LRP1B: variants seen among roughly 807,000 people sequenced by gnomAD.
LRP1B encodes LDL receptor related protein 1B.
In LRP1B, 217 loss-of-function variants were observed where a neutral mutation model predicts 556.6. The ratio of observed to expected loss-of-function variants is 0.39; its 90% CI spans 0.35 to 0.44. LRP1B has a LOEUF of 0.44. Ranked by LOEUF, LRP1B falls within the 20% of genes least tolerant of loss-of-function variation. LRP1B has a pLI of 1.00. For synonymous variants in LRP1B, 2,047 were observed against 1,865.8 expected (o/e 1.10, Z -2.50); for missense variants, 5,053 against 5,620.8 (o/e 0.90, Z 3.23).
chr2:140,997,565 C>T (rs1204700384), intron 15 of LRP1B, among the ~76,000 whole-genome samples: 1 of 151,724 alleles, frequency 6.6e-6, no homozygotes. Flanking sequence ...TAATTTTTCC[C>T]TCAATTGATG....
At chr2:141,843,758 A>G (rs936668353) in intron 1 of LRP1B, among the ~76,000 whole-genome samples, 1 of 152,166 alleles carries the variant, frequency 6.6e-6, no homozygotes, top group African/African-American at 2.4e-5. Flanking sequence ...ATTGTGCTAC[A>G]AATTATTGCA....
chr2:141,590,922 C>T (rs1687311523), intron 2 of LRP1B, among the ~76,000 whole-genome samples: 1 of 152,172 alleles, frequency 6.6e-6, no homozygotes, highest in African/African-American at 2.4e-5. Context: ...CCCTTCACAG[C>T]CTGTCCTGAC....
intron 3 of LRP1B, among the ~76,000 whole-genome samples, chr2:141,317,166 C>T (rs1242727355): frequency 1.3e-5 from 2 of 152,164 alleles, no homozygotes; most frequent in South Asian, 4.1e-4. Context: ...ATTTCATAAG[C>T]TCTAGACCTA....
At chr2:140,346,433 ATATTAT>A (rs913406908) in intron 77 of LRP1B, among the ~76,000 whole-genome samples, 4 of 151,892 alleles carry the variant, frequency 2.6e-5, no homozygotes, top group South Asian at 2.1e-4. Context: ...ACCTGAGTCA[ATATTAT>A]TATTGAGTAC....
At chr2:141,275,107 T>A (rs1327554788) in intron 3 of LRP1B, among the ~76,000 whole-genome samples, 1 of 152,106 alleles carries the variant, frequency 6.6e-6, no homozygotes, top group African/African-American at 2.4e-5. Context: ...TAAAAGGAAA[T>A]CCTGATAACA....
chr2:140,991,954 T>A (rs1697104464), intron 16 of LRP1B, among the ~76,000 whole-genome samples: 1 of 152,076 alleles, frequency 6.6e-6, no homozygotes, highest in Non-Finnish European at 1.5e-5. Context: ...TCAACAGATT[T>A]TAGAATTTAT....
At chr2:142,020,693 T>C (rs1703301184) in intron 1 of LRP1B, among the ~76,000 whole-genome samples, 1 of 151,718 alleles carries the variant, frequency 6.6e-6, no homozygotes. Context: ...GTGTATGAAA[T>C]AGAGTAACTA....
intron 49 of LRP1B, among the ~76,000 whole-genome samples, chr2:140,518,514 G>A (rs1036363880): frequency 1.3e-5 from 2 of 152,108 alleles, no homozygotes; most frequent in Non-Finnish European, 2.9e-5. Flanking sequence ...ATCATATGCT[G>A]ACCTCAAGAT....
chr2:141,020,302 T>A (rs1428091226), intron 11 of LRP1B, among the ~76,000 whole-genome samples, 200 bp from the exon 12 acceptor site: 1 of 152,076 alleles, frequency 6.6e-6, no homozygotes, highest in Non-Finnish European at 1.5e-5. Flanking sequence ...CCTTTTTATG[T>A]GAATAATAGG....
intron 3 of LRP1B, among the ~76,000 whole-genome samples, chr2:141,344,037 C>T (rs1411326152): frequency 6.6e-6 from 1 of 152,086 alleles, no homozygotes; most frequent in Non-Finnish European, 1.5e-5. Context: ...AAGTGCCCAC[C>T]TCATTTGTTT....
intron 32 of LRP1B, among the ~76,000 whole-genome samples, chr2:140,806,697 T>C (rs1032007322): frequency 3.9e-5 from 6 of 152,190 alleles, no homozygotes; most frequent in Non-Finnish European, 4.4e-5. Flanking sequence ...CATACTGACT[T>C]CAAGTTTCCT....
chr2:140,598,803 T>A lies in LRP1B; in HGVS notation c.7022A>T (p.His2341Leu), dbSNP rs780043018. Residue 2341 changes from histidine to leucine, a missense_variant, in exon 43 of 91, where the codon CAT (histidine) becomes CTT (leucine). Physicochemically the swap from His to Leu is moderately conservative, Grantham distance 99 (BLOSUM62 -3). This residue lies in a region of LRP1B where 3,619 missense variants were observed against 3,931.9 expected (regional missense o/e 0.92). Transcript: ENST00000389484. The stretch of plus-strand genomic sequence containing the variant: ...CAGAGTAGATCTCATGATACTTGGA[T>A]GTTGTTCATTCCAGTTGGTCCAAAA... The part of the protein sequence containing the change: ...LMFWTNWNEQ[H>L]PSIMRSTLTG... The A allele has an allele frequency of 2.2e-5, 35 of 1,610,656 alleles. No individual in the cohort carries two copies. Among genetic ancestry groups the A allele is most frequent in the Non-Finnish European group, 3.0e-5 (35 of 1,177,260 alleles).
intron 82 of LRP1B, among the ~76,000 whole-genome samples, chr2:140,317,720 T>C (rs1684587097): frequency 6.6e-6 from 1 of 152,146 alleles, no homozygotes; most frequent in African/African-American, 2.4e-5. Flanking sequence ...ACTTAAGGCA[T>C]TATGATCATA....
chr2:141,010,508 T>A (rs1697709018), intron 14 of LRP1B, among the ~76,000 whole-genome samples: 2 of 151,992 alleles, frequency 1.3e-5, no homozygotes, highest in Admixed American at 6.6e-5. Context: ...ATATTCCAAG[T>A]AATTTGACAA....
At chr2:141,104,824 T>G (rs1700564890) in intron 7 of LRP1B, among the ~76,000 whole-genome samples, 1 of 152,026 alleles carries the variant, frequency 6.6e-6, no homozygotes, top group Admixed American at 6.6e-5. Flanking sequence ...AGCTAATTTA[T>G]CTCACTCATT....
At chr2:140,310,770 T>C (rs1684263304) in intron 83 of LRP1B, among the ~76,000 whole-genome samples, 1 of 151,794 alleles carries the variant, frequency 6.6e-6, no homozygotes, top group Admixed American at 6.6e-5. Context: ...AAAATTTAAA[T>C]GTAAGAACTG....
intron 3 of LRP1B, among the ~76,000 whole-genome samples, chr2:141,273,968 A>G (rs929829680): frequency 1.2e-4 from 18 of 152,252 alleles, no homozygotes; most frequent in African/African-American, 4.1e-4. Context: ...TGGATATTCA[A>G]CGTCTGTAAT....
chr2:141,257,989 T>C (rs381144), intron 3 of LRP1B, among the ~76,000 whole-genome samples: 34,726 of 152,154 alleles, frequency 0.23, 4,080 homozygotes, highest in Admixed American at 0.28. Context: ...TGTACTTGAA[T>C]CATTAGTCTT....
rs1476024519 is a variant in LRP1B at position 140,269,577 on chromosome 2, G to A, written c.13247+665C>T. Among the ~76,000 whole-genome samples, 3 of 151,902 alleles carry A rather than the reference G, an allele frequency of 2.0e-5. No individual in the cohort carries two copies. In the Admixed American group the frequency reaches 2.0e-4, roughly 10 times the overall value. On this transcript the variant is annotated intron_variant, in intron 86 of 90. Transcript: ENST00000389484. ...CAGGATGCAGATGTGGGTTATATGTGGGCATCATCCTTTTGGTCAAACAGT... is the reference window on the plus strand; with the variant it reads ...CAGGATGCAGATGTGGGTTATATGTAGGCATCATCCTTTTGGTCAAACAGT...
Sources: allele counts gnomAD v4.1 joint callset (sites outside exome capture counted in the v4.1 genomes callset), GRCh38; gene constraint gnomAD v4.1.1; regional missense constraint gnomAD v4.1.1; transcripts MANE v1.5; gene names NCBI Gene and HGNC (gene_info 2026-07-23, HGNC 2026-07-21).